The following RADIL variants were observed in gnomAD, a reference collection of about 807,000 sequenced individuals.
The protein encoded by RADIL is Rap associating with DIL domain, also known as ras-associating and dilute domain-containing protein.
A neutral mutation model predicts 97.6 loss-of-function variants in RADIL; 99 were observed. The observed-to-expected ratio is 1.01, with a 90% CI of 0.86 to 1.20. The LOEUF (loss-of-function observed/expected upper bound fraction) is 1.20, where lower values mean the gene tolerates loss of function less well. Among genes scored for constraint, RADIL ranks in the 50% most tolerant of loss-of-function variants. The pLI is 0.00. For synonymous variants in RADIL, 803 were observed against 691.8 expected (o/e 1.16, Z -2.52); for missense variants, 1,765 against 1,498.9 (o/e 1.18, Z -2.93).
At chr7:4,852,871 T>C (rs1294901622) in intron 2 of RADIL, among the ~76,000 whole-genome samples, 3 of 152,118 alleles carry the variant, frequency 2.0e-5, no homozygotes, top group African/African-American at 7.2e-5. Flanking sequence ...ACCAGAGTGA[T>C]TGTTACCCTA....
chr7:4,835,602 C>T lies in RADIL; in HGVS notation c.784-363G>A, dbSNP rs575127822. 2.0e-5 allele frequency among the ~76,000 whole-genome samples: 3 copies of T among 152,134 alleles called. No homozygotes were observed. Among genetic ancestry groups the T allele is most frequent in the Non-Finnish European group, 2.9e-5 (2 of 68,018 alleles). ...TCATCCCCAAAACTGTGTGGGAGCA[C>T]TGCCGCCTGTGTGGGAGCACCACCC... is the stretch of plus-strand genomic sequence containing the variant. On this transcript the variant is annotated intron_variant, in intron 3 of 14. Transcript: ENST00000399583. The surrounding 1 kb of genome is among the most constrained non-coding windows in gnomAD (Gnocchi z 5.8).
At position 4,814,214 on chromosome 7, in the gene RADIL, T is replaced by C. The variant is rs899348695; in HGVS notation, c.2139+1064A>G. On this transcript the variant is annotated intron_variant, in intron 9 of 14. Coordinates refer to ENST00000399583, the MANE Select transcript of RADIL (RefSeq NM_018059.5). This position sits in a 1 kb window ranked among gnomAD's most constrained non-coding sequence, Gnocchi z 4.5. ...TAAAAAGCATTGCTTTACTTCTGTT[T>C]AGTGATACTGTAGGAGAAGCAAACT... 5.3e-5 allele frequency among the ~76,000 whole-genome samples: 8 copies of C among 152,248 alleles called. No individual in the cohort carries two copies. The highest frequency in any genetic ancestry group is 1.4e-4 in the African/African-American group (6 of 41,468).
chr7:4,855,620 TA>T (rs760588803), intron 2 of RADIL, among the ~76,000 whole-genome samples: 273 of 88,164 alleles, frequency 3.1e-3, no homozygotes, highest in Middle Eastern at 0.017. Flanking sequence ...TTTATTTTTG[TA>T]AAAAAAAAAA....
chr7:4,817,469 G>GA lies in RADIL; in HGVS notation c.1616-119_1616-118insT. On this transcript the variant is annotated intron_variant, in intron 6 of 14. Transcript: ENST00000399583. This position sits in a 1 kb window ranked among gnomAD's most constrained non-coding sequence, Gnocchi z 8.3. The stretch of plus-strand genomic sequence containing the variant: ...GCACCACCCAACGCGCCCATCTGGG[G>GA]TCCAGATGCGATAAACTGGCCGAGG... The GA allele has an allele frequency of 2.5e-6, 2 of 801,238 alleles. No individual in the cohort carries two copies. Among genetic ancestry groups the GA allele is most frequent in the South Asian group, 3.5e-5 (2 of 56,354 alleles). The allele number at this position is 801,238 out of a possible 1,614,324, so 49.6% of individuals were successfully genotyped here. A position where few individuals can be genotyped will look rare whatever the true frequency, so the allele number is the denominator to read the frequency against.
At chr7:4,847,983 C>T (rs965784435) in intron 2 of RADIL, among the ~76,000 whole-genome samples, 1 of 152,174 alleles carries the variant, frequency 6.6e-6, no homozygotes, top group Admixed American at 6.5e-5. Context: ...ATCGCTTGAG[C>T]TCAGGAGTTC....
intron 2 of RADIL, among the ~76,000 whole-genome samples, chr7:4,843,106 A>C (rs1441941912): frequency 1.3e-5 from 2 of 149,280 alleles, no homozygotes; most frequent in Non-Finnish European, 3.0e-5. Flanking sequence ...TCCCGGGTTC[A>C]AGTGATTCTT....
chr7:4,840,468 C>T lies in RADIL; in HGVS notation c.536-3863G>A, dbSNP rs909402132. On this transcript the variant is annotated intron_variant, in intron 2 of 14. Transcript: ENST00000399583. The surrounding 1 kb of genome is among the most constrained non-coding windows in gnomAD (Gnocchi z 5.6). ...CATGGCGCCATCGCTAGACACACAGCGTGGAGTTGTCAAGGCCCTCAGACC... is the reference window on the plus strand; with the variant it reads ...CATGGCGCCATCGCTAGACACACAGTGTGGAGTTGTCAAGGCCCTCAGACC... Among the ~76,000 whole-genome samples, 1 of 152,112 alleles carries T rather than the reference C, an allele frequency of 6.6e-6. No individual in the cohort carries two copies. Among genetic ancestry groups the T allele is most frequent in the African/African-American group, 2.4e-5 (1 of 41,426 alleles).
At chr7:4,847,398 A>C (rs1174339258) in intron 2 of RADIL, among the ~76,000 whole-genome samples, 2 of 152,182 alleles carry the variant, frequency 1.3e-5, no homozygotes, top group Non-Finnish European at 2.9e-5. Flanking sequence ...ATTGCTGGAA[A>C]GTAAGATGGT....
rs1485795843 is a variant in RADIL, at chr7:4,803,695, G to T, written c.2350C>A (p.Gln784Lys). 6.4e-7 allele frequency: 1 copy of T among 1,564,376 alleles called. No individual in the cohort carries two copies. The highest frequency in any genetic ancestry group is 1.2e-5 in the South Asian group (1 of 84,966). ...PPIVLPSDGF[Q>K]VDLEANCLDD... is the part of the protein sequence containing the mutation. ...AGGCAGTTGGCTTCCAAGTCCACCT[G>T]GAAGCCGTCGCTGGGCAGGACGATG... Residue 784 changes from glutamine to lysine, a missense_variant, in exon 11 of 15, where the codon CAG (glutamine) becomes AAG (lysine). By Grantham distance (53) the Gln-to-Lys change is moderately conservative. Coordinates refer to ENST00000399583, the MANE Select transcript of RADIL (RefSeq NM_018059.5).
rs1781988364 is a variant in RADIL, at chr7:4,798,971, C to T, written c.*407G>A. On this transcript the variant is annotated 3_prime_UTR_variant, in exon 15 of 15. Transcript: ENST00000399583. ...GGGACGGGGGCAGGGAGAGTCAGTT[C>T]AGATGATCCCCTGATGACAGCTGTC... 1 of 213,006 alleles carries T rather than the reference C, an allele frequency of 4.7e-6. No individual in the cohort carries two copies. The highest frequency in any genetic ancestry group is 2.3e-5 in the African/African-American group (1 of 42,836). 13.2% of individuals were successfully genotyped at this position (213,006 alleles called of 1,614,324 possible).
At position 4,835,416 on chromosome 7, in the gene RADIL, G is replaced by A. The variant is rs1361006922; in HGVS notation, c.784-177C>T. 3.3e-5 allele frequency among the ~76,000 whole-genome samples: 5 copies of A among 152,092 alleles called. No homozygotes were observed. The highest frequency in any genetic ancestry group is 4.8e-5 in the African/African-American group (2 of 41,394). On this transcript the variant is annotated intron_variant, in intron 3 of 14. Coordinates refer to ENST00000399583, the MANE Select transcript of RADIL (RefSeq NM_018059.5). This position sits in a 1 kb window ranked among gnomAD's most constrained non-coding sequence, Gnocchi z 5.8. ...GACGGCTCTCAGGAACCCGCCCCTC[G>A]ATGTCCGGGCCCATCCCAGAGGAGG...
intron 2 of RADIL, chr7:4,838,023 C>T (rs971166009): frequency 8.5e-5 from 84 of 985,328 alleles, no homozygotes; most frequent in Non-Finnish European, 9.9e-5. Flanking sequence ...GCAGCCCCGC[C>T]GTCCTTCCCA....
chr7:4,817,153 C>T lies in RADIL; in HGVS notation c.1728+86G>A. 2 of 1,222,836 alleles carry T rather than the reference C, an allele frequency of 1.6e-6. No homozygotes were observed. Among genetic ancestry groups the T allele is most frequent in the Non-Finnish European group, 2.3e-6 (2 of 856,800 alleles). 75.7% of individuals were successfully genotyped at this position (1,222,836 alleles called of 1,614,324 possible). The stretch of plus-strand genomic sequence containing the variant: ...TCCCCTCCCTCAGCCCCCCAGAAGG[C>T]TCCTTAGGAGAGCCACAGGCACAAG... On this transcript the variant is annotated intron_variant, in intron 7 of 14. Transcript: ENST00000399583. This position sits in a 1 kb window ranked among gnomAD's most constrained non-coding sequence, Gnocchi z 8.3.
chr7:4,827,926 G>C (rs144101523), intron 5 of RADIL, among the ~76,000 whole-genome samples: 1 of 150,770 alleles, frequency 6.6e-6, no homozygotes, highest in Admixed American at 6.6e-5. Flanking sequence ...AAAAAAAAAC[G>C]TAGACCAGTT....
At chr7:4,805,228 A>C in intron 10 of RADIL, 1 of 322,162 alleles carries the variant, frequency 3.1e-6, no homozygotes, top group Non-Finnish European at 5.8e-6. Context: ...ACGGCTGTGT[A>C]CCACCATTGC....
rs763663603 is a variant in RADIL, at chr7:4,824,095, C to T, written c.1455-1541G>A. ...TGAGCAGAAGGGATCCTTTTGCAAA[C>T]AGATCAAATCACACAGATCTGACTT... On this transcript the variant is annotated intron_variant, in intron 5 of 14. Transcript: ENST00000399583. The surrounding 1 kb of genome is among the most constrained non-coding windows in gnomAD (Gnocchi z 6.7). 6.6e-6 allele frequency among the ~76,000 whole-genome samples: 1 copy of T among 152,276 alleles called. No homozygotes were observed. Among genetic ancestry groups the T allele is most frequent in the African/African-American group, 2.4e-5 (1 of 41,482 alleles).
chr7:4,864,508 T>C (rs1368843585), intron 2 of RADIL, among the ~76,000 whole-genome samples: 1 of 152,242 alleles, frequency 6.6e-6, no homozygotes, highest in Non-Finnish European at 1.5e-5. Context: ...CTGCCTGTGG[T>C]TGCCACCTAT....
At chr7:4,825,720 A>G (rs1782955503) in intron 5 of RADIL, among the ~76,000 whole-genome samples, 1 of 151,980 alleles carries the variant, frequency 6.6e-6, no homozygotes, top group Admixed American at 6.5e-5. Flanking sequence ...TATTAAAAAT[A>G]CAAAAATTAG....
Position 4,816,350 on chromosome 7 carries a change from A to G in RADIL, c.1844T>C (p.Val615Ala), listed in dbSNP as rs377421229. 1.1e-5 allele frequency: 17 copies of G among 1,612,066 alleles called. No homozygotes were observed. The highest frequency in any genetic ancestry group is 4.0e-5 in the African/African-American group (3 of 74,920). Residue 615 changes from valine (V) to alanine (A), a missense_variant, in exon 8 of 15, where the codon GTG (valine) becomes GCG (alanine). Physicochemically the swap from Val to Ala is moderately conservative, Grantham distance 64 (BLOSUM62 0). Transcript: ENST00000399583. The part of the protein sequence containing the change: ...LPEELRRVVS[V>A]YQAALDLLRQ... ...CAGGAGGTCCAGGGCTGCCTGGTAC[A>G]CAGACACCACGCGGCGCAGCTCCTC... is the stretch of plus-strand genomic sequence containing the variant.
Sources: allele counts gnomAD v4.1 joint callset (sites outside exome capture counted in the v4.1 genomes callset), GRCh38; gene constraint gnomAD v4.1.1; non-coding constraint Gnocchi (gnomAD v3.1); transcripts MANE v1.5; gene names NCBI Gene and HGNC (gene_info 2026-07-23, HGNC 2026-07-21).